The following SLC35F4 variants were observed in gnomAD, a reference collection of about 807,000 sequenced individuals.
The protein encoded by SLC35F4 is solute carrier family 35 member F4.
In SLC35F4, 24 loss-of-function variants were observed where a neutral mutation model predicts 44.2. That is an observed-to-expected ratio of 0.54 (90% CI 0.39 to 0.76). The LOEUF is 0.76. Ranked by LOEUF, SLC35F4 falls within the 30% of genes least tolerant of loss-of-function variation. SLC35F4 has a pLI of 0.00. For synonymous variants in SLC35F4, 238 were observed against 223.6 expected (o/e 1.06, Z -0.57); for missense variants, 562 against 586.1 (o/e 0.96, Z 0.42).
intron 1 of SLC35F4, among the ~76,000 whole-genome samples, chr14:57,847,395 T>C (rs1886132849): frequency 6.6e-6 from 1 of 152,190 alleles, no homozygotes; most frequent in South Asian, 2.1e-4. Flanking sequence ...AGAGAAGGCA[T>C]TCAGGGGCTA....
At chr14:57,622,849 T>TA (rs1024390766) in intron 1 of SLC35F4, among the ~76,000 whole-genome samples, 14 of 151,232 alleles carry the variant, frequency 9.3e-5, no homozygotes, top group Non-Finnish European at 1.6e-4. Flanking sequence ...ATAAAAAAAT[T>TA]AAAAAAACCC....
At chr14:57,677,486 T>G (rs895544348) in intron 1 of SLC35F4, among the ~76,000 whole-genome samples, 1 of 152,070 alleles carries the variant, frequency 6.6e-6, no homozygotes, top group South Asian at 2.1e-4. Context: ...GTGTTAATGA[T>G]AGACTCTAGA....
chr14:57,863,094 C>A (rs543504422), intron 1 of SLC35F4, among the ~76,000 whole-genome samples: 1 of 152,106 alleles, frequency 6.6e-6, no homozygotes, highest in African/African-American at 2.4e-5. Context: ...CTTGAACTCC[C>A]GGCCTCAAGC....
At chr14:57,620,793 C>T (rs180675649) in intron 1 of SLC35F4, among the ~76,000 whole-genome samples, 26 of 152,272 alleles carry the variant, frequency 1.7e-4, no homozygotes, top group African/African-American at 5.5e-4. Context: ...TCCTATTCAA[C>T]ATAGTGTTGG....
chr14:57,679,912 C>T (rs943585279), intron 1 of SLC35F4, among the ~76,000 whole-genome samples: 1 of 152,000 alleles, frequency 6.6e-6, no homozygotes, highest in Non-Finnish European at 1.5e-5. Flanking sequence ...AGCCCAGGAC[C>T]AGACAGATTC....
intron 1 of SLC35F4, among the ~76,000 whole-genome samples, chr14:57,912,887 A>G (rs1200362616): frequency 6.6e-6 from 1 of 152,002 alleles, no homozygotes; most frequent in African/African-American, 2.4e-5. Context: ...ATAACTATGG[A>G]TTCACTTATT....
At chr14:57,754,724 C>T (rs769709106) in intron 1 of SLC35F4, among the ~76,000 whole-genome samples, 1 of 152,202 alleles carries the variant, frequency 6.6e-6, no homozygotes, top group Non-Finnish European at 1.5e-5. Flanking sequence ...CTAGCACAGG[C>T]CTCACGGCCT....
chr14:57,634,947 T>C (rs1566709675), intron 1 of SLC35F4, among the ~76,000 whole-genome samples: 1 of 152,008 alleles, frequency 6.6e-6, no homozygotes, highest in Non-Finnish European at 1.5e-5. Flanking sequence ...AGGTAGAAGA[T>C]GAGTGATCAA....
At chr14:57,980,169 A>G (rs1881335959) in intron 1 of SLC35F4, among the ~76,000 whole-genome samples, 1 of 152,220 alleles carries the variant, frequency 6.6e-6, no homozygotes, top group Non-Finnish European at 1.5e-5. Flanking sequence ...ATATTGTAAT[A>G]ATGTGACTAT....
chr14:57,945,868 GA>G (rs1890016893), intron 1 of SLC35F4, among the ~76,000 whole-genome samples: 1 of 152,128 alleles, frequency 6.6e-6, no homozygotes, highest in Non-Finnish European at 1.5e-5. Flanking sequence ...TTTACCTGAT[GA>G]TTAGTGATGT....
chr14:57,891,917 G>C (rs1032495954), intron 1 of SLC35F4, among the ~76,000 whole-genome samples: 1 of 150,052 alleles, frequency 6.7e-6, no homozygotes, highest in African/African-American at 2.5e-5. Context: ...TTTCTTAAGA[G>C]TCTTTCTGGG....
At chr14:57,606,720 AC>A (rs2071187460) in intron 1 of SLC35F4, among the ~76,000 whole-genome samples, 1 of 152,030 alleles carries the variant, frequency 6.6e-6, no homozygotes, top group Admixed American at 6.6e-5. Flanking sequence ...GACTGTAGAA[AC>A]CCTCTGCTTA....
intron 1 of SLC35F4, among the ~76,000 whole-genome samples, chr14:57,942,577 C>T (rs183257075): frequency 3.3e-4 from 50 of 152,228 alleles, no homozygotes; most frequent in East Asian, 1.9e-4. Flanking sequence ...GTTTCAGTGA[C>T]GTAGCATTTT....
intron 1 of SLC35F4, among the ~76,000 whole-genome samples, chr14:57,953,239 T>C (rs547879179): frequency 2.0e-5 from 3 of 152,064 alleles, no homozygotes; most frequent in East Asian, 3.9e-4. Flanking sequence ...TGCTAAGAGA[T>C]TTTACCACCA....
intron 1 of SLC35F4, among the ~76,000 whole-genome samples, chr14:57,762,007 G>C (rs914600446): frequency 6.6e-6 from 1 of 152,150 alleles, no homozygotes; most frequent in African/African-American, 2.4e-5. Flanking sequence ...GGAGGTTAGA[G>C]CTACTGCTAA....
At chr14:57,875,814 A>G (rs558916446) in intron 1 of SLC35F4, among the ~76,000 whole-genome samples, 1 of 152,322 alleles carries the variant, frequency 6.6e-6, no homozygotes, top group South Asian at 2.1e-4. Context: ...AGATTGCTGC[A>G]AACAATTGTG....
rs548912105 is a variant in SLC35F4, at chr14:57,942,941, T to G, written n.282+38972A>C. Among the ~76,000 whole-genome samples, 25 of 152,324 alleles carry G rather than the reference T, an allele frequency of 1.6e-4. No individual in the cohort carries two copies. The South Asian group carries it at 1.9e-3, about 11-fold the overall frequency. On this transcript the variant is annotated intron_variant and non_coding_transcript_variant, in intron 1 of 1. Coordinates refer to the SLC35F4 transcript ENST00000556568. Reference sequence around the variant, plus strand: ...AACTGAGATTTAAAAGCTTTAGGGATTGGTTCAAGGTCACATACTTAGTAA... The same window carrying G: ...AACTGAGATTTAAAAGCTTTAGGGAGTGGTTCAAGGTCACATACTTAGTAA...
chr14:57,694,877 T>C (rs1167002644), intron 1 of SLC35F4, among the ~76,000 whole-genome samples: 3 of 152,216 alleles, frequency 2.0e-5, no homozygotes, highest in African/African-American at 7.2e-5. Flanking sequence ...ATATTTCTAA[T>C]ATAGTAGCCT....
chr14:57,975,242 C>T (rs558204815), downstream of SLC35F4, among the ~76,000 whole-genome samples: 11 of 152,336 alleles, frequency 7.2e-5, 1 homozygote, highest in South Asian at 1.9e-3. Context: ...GAACAGGTGG[C>T]TTCCCCTCCA....
Sources: gnomAD v4.1 joint callset for allele counts (sites outside exome capture counted in the v4.1 genomes callset) on GRCh38, gnomAD v4.1.1 for gene constraint, MANE v1.5 for transcripts, NCBI Gene and HGNC (gene_info 2026-07-23, HGNC 2026-07-21) for gene names.